The following ALKAL2 variants were observed in gnomAD, a reference collection of about 807,000 sequenced individuals.
The protein encoded by ALKAL2 is ALK and LTK ligand 2.
A neutral mutation model predicts 18.5 loss-of-function variants in ALKAL2; 8 were observed. The ratio of observed to expected loss-of-function variants is 0.43; its 90% confidence interval spans 0.25 to 0.78. The LOEUF (loss-of-function observed/expected upper bound fraction) is 0.78, where lower values mean the gene tolerates loss of function less well. Ranked by LOEUF, ALKAL2 falls within the 30% of genes least tolerant of loss-of-function variation. The pLI, the probability that ALKAL2 is intolerant of heterozygous loss-of-function variation, is 0.22. For missense variants in ALKAL2, 241 were observed against 211.2 expected, an observed-to-expected ratio of 1.14 and a Z score of -0.88; for synonymous variants, 135 against 95.8, an observed-to-expected ratio of 1.41 and a Z score of -2.39.
In ALKAL2 at chr2:288,043, G is replaced by A; in HGVS notation, c.-88C>T. 1.6e-6 allele frequency: 2 copies of A among 1,216,724 alleles called. No homozygotes were observed. Among genetic ancestry groups the A allele is most frequent in the Non-Finnish European group, 2.0e-6 (2 of 979,704 alleles). The allele number at this position is 1,216,724 out of a possible 1,614,324, so 75.4% of individuals were successfully genotyped here. On this transcript the variant is annotated 5_prime_UTR_variant, in exon 1 of 6. Transcript: ENST00000403610. ...CGGACCCCGAGGAACAAGCCGGCAG[G>A]TGAGGGAGCCGCGGTCTCCTCGACG...
Position 286,185 on chromosome 2 carries a change from G to A in ALKAL2, c.326C>T (p.Pro109Leu). 3.1e-6 allele frequency: 5 copies of A among 1,613,860 alleles called. No individual in the cohort carries two copies. The highest frequency in any genetic ancestry group is 4.2e-6 in the Non-Finnish European group (5 of 1,179,824). ...KHLTGPLYFSPKCSKHFHRLY... is the reference protein window; with the variant it reads ...KHLTGPLYFSLKCSKHFHRLY... ...TCTATGGAAGTGTTTGCTGCACTTT[G>A]GACTAAAATAAAGAGGGCCTGGAAC... Residue 109 changes from proline (P) to leucine (L), a missense_variant, in exon 4 of 6, where the codon CCA becomes CTA. Pro to Leu is a moderately conservative substitution (Grantham distance 98). Transcript: ENST00000403610.
intron 5 of ALKAL2, 21 bp downstream of exon 5, chr2:283,090 T>C: frequency 1.2e-6 from 2 of 1,605,062 alleles, no homozygotes; most frequent in Non-Finnish European, 1.7e-6. Context: ...TGTGCTCCAG[T>C]GTGTGTCTGT....
At chr2:286,589 C>T (rs1331131903) in intron 2 of ALKAL2, 1 of 444,582 alleles carries the variant, frequency 2.2e-6, no homozygotes, top group Non-Finnish European at 3.9e-6. Context: ...GCTGTCTACC[C>T]CGTGGGATGC....
chr2:285,868 G>A, intron 4 of ALKAL2: 1 of 439,706 alleles, frequency 2.3e-6, no homozygotes, highest in Non-Finnish European at 4.1e-6. Flanking sequence ...ATTAACAGGA[G>A]GAGAATCGGA....
At chr2:285,638 C>T (rs1273938507) in intron 4 of ALKAL2, among the ~76,000 whole-genome samples, 1 of 152,198 alleles carries the variant, frequency 6.6e-6, no homozygotes, top group African/African-American at 2.4e-5. Flanking sequence ...GGCAGCTCTG[C>T]ATTTCTGAAG....
chr2:280,191 A>G (rs1461906687), intron 5 of ALKAL2, 39 bp from the exon 6 acceptor site: 2 of 1,613,322 alleles, frequency 1.2e-6, no homozygotes, highest in African/African-American at 1.3e-5. Context: ...GACTATCCAC[A>G]CTTCTTAATG....
In ALKAL2 at chr2:288,031, A is replaced by G. The variant is rs1327640774; in HGVS notation, c.-76T>C. The G allele has an allele frequency of 1.3e-5, 16 of 1,220,128 alleles. No homozygotes were observed. Among genetic ancestry groups the G allele is most frequent in the Non-Finnish European group, 1.6e-5 (16 of 982,132 alleles). The allele number at this position is 1,220,128 out of a possible 1,614,324, so 75.6% of individuals were successfully genotyped here. ...CCCTCACCTCCGCGGACCCCGAGGA[A>G]CAAGCCGGCAGGTGAGGGAGCCGCG... On this transcript the variant is annotated 5_prime_UTR_variant, in exon 1 of 6. Transcript: ENST00000403610.
rs190569279 is a variant in ALKAL2, at chr2:285,395, T to C, written c.388+728A>G. Among the ~76,000 whole-genome samples, 21 of 152,288 alleles carry C rather than the reference T, an allele frequency of 1.4e-4. No individual in the cohort carries two copies. In the East Asian group the frequency reaches 4.1e-3, roughly 29 times the overall value. On this transcript the variant is annotated intron_variant, in intron 4 of 5. Coordinates refer to ENST00000403610, the MANE Select transcript of ALKAL2 (RefSeq NM_001002919.3). The stretch of plus-strand genomic sequence containing the variant: ...TGACAGCAGTTAGCAGGATGCCTAG[T>C]GTTTCTGCATGACTTTTCTCCTGTG...
At chr2:283,352 T>C (rs1224045337) in intron 4 of ALKAL2, 177 bp from the exon 5 acceptor site, 1 of 985,430 alleles carries the variant, frequency 1.0e-6, no homozygotes. Flanking sequence ...TAATAATTTA[T>C]GGTGCTTCAA....
At chr2:283,496 C>T (rs548181313) in intron 4 of ALKAL2, 2 of 985,412 alleles carry the variant, frequency 2.0e-6, no homozygotes, top group African/African-American at 1.7e-5. Context: ...TCGCTTCCTA[C>T]GTGACAATCC....
chr2:284,223 C>T lies in ALKAL2; in HGVS notation c.389-1048G>A, dbSNP rs141846389. Reference sequence around the variant, plus strand: ...GGGCCATGTCCAGGGTCCCAGCTGACCACATCCTGCTCAACCCAGGTGTTT... The same window carrying T: ...GGGCCATGTCCAGGGTCCCAGCTGATCACATCCTGCTCAACCCAGGTGTTT... On this transcript the variant is annotated intron_variant, in intron 4 of 5. Transcript: ENST00000403610. Among the ~76,000 whole-genome samples, 383 of 152,278 alleles carry T rather than the reference C, an allele frequency of 2.5e-3. 9 individuals carry two copies. The highest frequency in any genetic ancestry group is 0.023 in the Admixed American group (355 of 15,292).
chr2:282,971 T>A, intron 5 of ALKAL2, 140 bp downstream of exon 5: 1 of 896,200 alleles, frequency 1.1e-6, no homozygotes, highest in Non-Finnish European at 1.7e-6. Context: ...CACTGTGAGA[T>A]GAGTGTTGTG....
intron 4 of ALKAL2, chr2:283,742 A>G (rs1451188974): frequency 3.6e-6 from 1 of 275,762 alleles, no homozygotes; most frequent in African/African-American, 2.3e-5. Flanking sequence ...CGTGCTGCCT[A>G]TAGAAATTAA....
At chr2:281,850 C>T (rs940143820) in intron 5 of ALKAL2, among the ~76,000 whole-genome samples, 1 of 151,792 alleles carries the variant, frequency 6.6e-6, no homozygotes, top group Non-Finnish European at 1.5e-5. Flanking sequence ...CAGGAATGTA[C>T]ATCTGTTCAC....
At chr2:284,716 A>G (rs933193196) in intron 4 of ALKAL2, among the ~76,000 whole-genome samples, 4 of 152,234 alleles carry the variant, frequency 2.6e-5, no homozygotes, top group Non-Finnish European at 5.9e-5. Flanking sequence ...AGCTTTGCTG[A>G]TATCTGACAG....
chr2:287,635 G>C lies in ALKAL2; in HGVS notation c.201C>G (p.Ala67=). ...GCCCCGCCGCCTCCGCGCGGCCCAG[G>C]GCGCAGTCCCGCCCGAGGAGCTGCA... ...KGLQLLGRDC[A]LGRAEAAGLG... Residue 67 remains alanine, a synonymous_variant, in exon 2 of 6, where the codon GCC becomes GCG. Coordinates refer to ENST00000403610, the MANE Select transcript of ALKAL2 (RefSeq NM_001002919.3). The C allele has an allele frequency of 6.8e-7, 1 of 1,480,586 alleles. No homozygotes were observed. Among genetic ancestry groups the C allele is most frequent in the South Asian group, 1.3e-5 (1 of 78,294 alleles). 91.7% of individuals were successfully genotyped at this position (1,480,586 alleles called of 1,614,324 possible). A position where few individuals can be genotyped will look rare whatever the true frequency, so the allele number is the denominator to read the frequency against.
chr2:287,905 G>C lies in ALKAL2; in HGVS notation c.-57-13C>G. 9 of 1,247,906 alleles carry C rather than the reference G, an allele frequency of 7.2e-6. No individual in the cohort carries two copies. The highest frequency in any genetic ancestry group is 3.4e-5 in the South Asian group (1 of 29,600). The allele number at this position is 1,247,906 out of a possible 1,614,324, so 77.3% of individuals were successfully genotyped here. ...AGAGCTGGGCTCGCTGCGAGAGAAG[G>C]GGCGCGGGGGGCCGGAGAGAAAGTC... On this transcript the variant is annotated splice_polypyrimidine_tract_variant and intron_variant, in intron 1 of 5. Coordinates refer to ENST00000403610, the MANE Select transcript of ALKAL2 (RefSeq NM_001002919.3).
chr2:285,986 G>T, intron 4 of ALKAL2, 137 bp downstream of exon 4: 1 of 671,816 alleles, frequency 1.5e-6, no homozygotes, highest in Non-Finnish European at 2.6e-6. Context: ...TGGCGATCTT[G>T]GCCCCTAACT....
chr2:283,708 A>G (rs1179887476), intron 4 of ALKAL2: 2 of 442,168 alleles, frequency 4.5e-6, no homozygotes, highest in Admixed American at 6.4e-5. Flanking sequence ...TATCGTACAC[A>G]GTCTCCCATT....
Sources: allele counts gnomAD v4.1 joint callset (sites outside exome capture counted in the v4.1 genomes callset), GRCh38; gene constraint gnomAD v4.1.1; transcripts MANE v1.5; gene names NCBI Gene and HGNC (gene_info 2026-07-23, HGNC 2026-07-21).